Variants in DNAJC9 observed in about 807,000 individuals in gnomAD.
The protein encoded by DNAJC9 is dnaJ homolog subfamily C member 9.
Under a neutral mutation model 32.4 loss-of-function variants are expected in DNAJC9, and 18 were observed. That is an observed-to-expected ratio of 0.56 (90% confidence interval 0.38 to 0.82). The LOEUF is 0.82. Ranked by LOEUF, DNAJC9 falls within the 40% of genes least tolerant of loss-of-function variation. The pLI is 0.00. For synonymous variants in DNAJC9, 113 were observed against 122.1 expected (o/e 0.93, Z 0.49); for missense variants, 310 against 321.8 (o/e 0.96, Z 0.28).
chr10:73,243,374 A>G lies in DNAJC9; in HGVS notation c.*26T>C, dbSNP rs755911565. The G allele has an allele frequency of 6.2e-7, 1 of 1,611,522 alleles. No individual in the cohort carries two copies. The highest frequency in any genetic ancestry group is 1.1e-5 in the South Asian group (1 of 91,006). ...CCTACGATGGCATCAATTTACACCT[A>G]AGGACCTTTGAAGAGAAAAATTCCA... On this transcript the variant is annotated 3_prime_UTR_variant, in exon 5 of 5. Coordinates refer to ENST00000372950, the MANE Select transcript of DNAJC9 (RefSeq NM_015190.5).
At chr10:73,237,134 G>A (rs2043840114), downstream of DNAJC9, among the ~76,000 whole-genome samples, 1 of 152,140 alleles carries the variant, frequency 6.6e-6, no homozygotes, top group Admixed American at 6.5e-5. Context: ...ACCTTAACTT[G>A]ATTTATCTGC....
intron 2 of DNAJC9, chr10:73,233,149 CAG>C (rs1447751282): frequency 6.4e-7 from 1 of 1,551,132 alleles, no homozygotes; most frequent in South Asian, 1.2e-5. Context: ...AAGAAATCCT[CAG>C]AGGAGCCCGA....
chr10:73,234,859 CCT>C (rs771002500), downstream of DNAJC9: 122 of 1,551,586 alleles, frequency 7.9e-5, no homozygotes, highest in Non-Finnish European at 9.7e-5. Context: ...CACCGACGCC[CCT>C]GAGTCGAAAT....
At chr10:73,233,832 T>C (rs913391611), downstream of DNAJC9, among the ~76,000 whole-genome samples, 5 of 152,332 alleles carry the variant, frequency 3.3e-5, no homozygotes, top group African/African-American at 9.6e-5. Flanking sequence ...TCCAAAATAA[T>C]AGTTAATTCC....
Position 73,247,092 on chromosome 10 carries a change from C to T in DNAJC9, c.98G>A (p.Arg33Gln). The T allele has an allele frequency of 1.9e-6, 3 of 1,595,226 alleles. No individual in the cohort carries two copies. The highest frequency in any genetic ancestry group is 1.3e-5 in the African/African-American group (1 of 74,540). The part of the protein sequence containing the change: ...RREASDGEVR[R>Q]GYHKVSLQVH... ...CTGCAGGGACACCTTGTGGTAGCCT[C>T]GTCGGACCTCGCCGTCGGAGGCCTC... The change falls in exon 1 of 5, where the codon CGA becomes CAA. Residue 33 changes from arginine (R) to glutamine (Q), a missense_variant. Coordinates refer to ENST00000372950, the MANE Select transcript of DNAJC9 (RefSeq NM_015190.5).
At chr10:73,232,911 C>T (rs1319138514) in intron 2 of DNAJC9, 2 of 1,312,940 alleles carry the variant, frequency 1.5e-6, no homozygotes, top group Non-Finnish European at 2.2e-6. Flanking sequence ...ATCTTTACTT[C>T]ATTGTGGGTT....
chr10:73,234,714 A>G (rs2043782853), downstream of DNAJC9: 1 of 1,243,812 alleles, frequency 8.0e-7, no homozygotes. Context: ...CTTTCTGTGC[A>G]CATTAAACTC....
At chr10:73,234,955 T>C (rs1318221289), downstream of DNAJC9, 1 of 1,551,674 alleles carries the variant, frequency 6.4e-7, no homozygotes, top group Non-Finnish European at 8.7e-7. Context: ...GTTTCTTTCA[T>C]ATTGCCTCTC....
chr10:73,235,054 A>C (rs566576470), downstream of DNAJC9: 1 of 1,464,748 alleles, frequency 6.8e-7, no homozygotes, highest in African/African-American at 1.4e-5. Context: ...CAAAAGTACA[A>C]ACACAGTGCT....
chr10:73,236,191 T>TC (rs973079438), downstream of DNAJC9, among the ~76,000 whole-genome samples: 1 of 151,114 alleles, frequency 6.6e-6, no homozygotes, highest in Non-Finnish European at 1.5e-5. Flanking sequence ...TGTATTAGTT[T>TC]CCTAGGGCTT....
chr10:73,244,408 G>A (rs902668887), intron 3 of DNAJC9: 1 of 152,752 alleles, frequency 6.5e-6, no homozygotes, highest in Non-Finnish European at 1.5e-5. Flanking sequence ...GAGGTGGGAA[G>A]ATGGCTTCAG....
chr10:73,236,521 C>A (rs2043826250), downstream of DNAJC9, among the ~76,000 whole-genome samples: 1 of 149,376 alleles, frequency 6.7e-6, no homozygotes. Context: ...TCATGTGATT[C>A]TCCTGCCTCA....
At chr10:73,235,540 C>CA, downstream of DNAJC9, 1 of 1,000,922 alleles carries the variant, frequency 1.0e-6, no homozygotes, top group South Asian at 1.8e-5. Context: ...ATATTCTAAG[C>CA]AATTTAACAC....
chr10:73,244,601 G>A (rs2043986810), intron 3 of DNAJC9: 1 of 149,940 alleles, frequency 6.7e-6, no homozygotes, highest in Non-Finnish European at 1.5e-5. Context: ...GACTGGTGGT[G>A]CCTTGTGAAC....
chr10:73,243,624 G>C (rs1333099840), intron 4 of DNAJC9, 105 bp from the exon 5 acceptor site: 1 of 1,446,980 alleles, frequency 6.9e-7, no homozygotes, highest in Non-Finnish European at 9.4e-7. Flanking sequence ...TAATGGGTAT[G>C]GAGTTTTTTT....
chr10:73,232,302 C>T (rs770928380), intron 2 of DNAJC9, among the ~76,000 whole-genome samples: 12 of 152,088 alleles, frequency 7.9e-5, no homozygotes, highest in East Asian at 1.9e-4. Flanking sequence ...ATTTATTGGA[C>T]GACTTACAGA....
At chr10:73,240,141 G>A (rs2043908643), downstream of DNAJC9, among the ~76,000 whole-genome samples, 1 of 152,154 alleles carries the variant, frequency 6.6e-6, no homozygotes, top group African/African-American at 2.4e-5. Context: ...GCTGCAGGAT[G>A]TCTTAATTCT....
chr10:73,247,001 C>T lies in DNAJC9; in HGVS notation c.180+9G>A. 2 of 1,559,594 alleles carry T rather than the reference C, an allele frequency of 1.3e-6. No homozygotes were observed. The highest frequency in any genetic ancestry group is 1.2e-5 in the South Asian group (1 of 83,824). ...CAGCCGGTCGGCTTCGGGGCGGGAC[C>T]CTGCATACCTGGAAGCGGCGGGTGG... is the stretch of plus-strand genomic sequence containing the variant. On this transcript the variant is annotated intron_variant, in intron 1 of 4. Transcript: ENST00000372950.
chr10:73,233,107 C>T lies in DNAJC9; in HGVS notation n.147+10736G>A, dbSNP rs371485920. The T allele has an allele frequency of 8.8e-5, 137 of 1,551,718 alleles. 1 individual carries two copies. In the African/African-American group the frequency reaches 1.5e-3, roughly 17 times the overall value. On this transcript the variant is annotated intron_variant and non_coding_transcript_variant, in intron 2 of 2. Transcript: ENST00000469143. ...GAACTCTTCATCCGATCAGCACGAGCCATTCATGTGCTGAAACACCAAGAT... is the reference window on the plus strand; with the variant it reads ...GAACTCTTCATCCGATCAGCACGAGTCATTCATGTGCTGAAACACCAAGAT...
Sources: allele counts gnomAD v4.1 joint callset (sites outside exome capture counted in the v4.1 genomes callset), GRCh38; gene constraint gnomAD v4.1.1; transcripts MANE v1.5; gene names NCBI Gene and HGNC (gene_info 2026-07-23, HGNC 2026-07-21).